THOC5: variants seen among roughly 807,000 people sequenced by gnomAD.
The protein encoded by THOC5 is THO complex subunit 5.
THOC5 carries 43 observed loss-of-function variants against 92.9 expected under a neutral mutation model. The observed-to-expected ratio is 0.46, with a 90% CI of 0.36 to 0.60. The LOEUF is 0.60. Among genes scored for constraint, THOC5 ranks in the 20% least tolerant of loss-of-function variants. The pLI is 0.00. For missense variants in THOC5, 659 were observed against 849.4 expected, an observed-to-expected ratio of 0.78 and a Z score of 2.79; for synonymous variants, 296 against 320.1, an observed-to-expected ratio of 0.92 and a Z score of 0.80.
chr22:29,525,906 G>A lies in THOC5; in HGVS notation c.1107C>T (p.Asn369=). ...VLHLTFYYLM[N]LNIMTVKAKV... is the part of the protein sequence containing the mutation. ...TGGCTTTTACTGTCATGATGTTGAGGTTCATGAGGTAGTAGAAAGTCAGGT... is the reference window on the plus strand; with the variant it reads ...TGGCTTTTACTGTCATGATGTTGAGATTCATGAGGTAGTAGAAAGTCAGGT... The change falls in exon 12 of 20, where the codon AAC becomes AAT. Residue 369 remains asparagine, a synonymous_variant. Transcript: ENST00000490103. The A allele has an allele frequency of 2.5e-6, 4 of 1,614,012 alleles. No individual in the cohort carries two copies. The highest frequency in any genetic ancestry group is 3.4e-6 in the Non-Finnish European group (4 of 1,179,928).
At position 29,512,020 on chromosome 22, in the gene THOC5, C is replaced by A. The variant is rs759663987; in HGVS notation, c.1797+1G>T. 2 of 1,613,602 alleles carry A rather than the reference C, an allele frequency of 1.2e-6. No homozygotes were observed. Among genetic ancestry groups the A allele is most frequent in the African/African-American group, 1.3e-5 (1 of 75,036 alleles). The stretch of plus-strand genomic sequence containing the variant: ...TCCTGTCATCCCCAGCTGGGTCTTA[C>A]CCGAATGTTGTCATCGTTGCTGTTG... On this transcript the variant is annotated splice_donor_variant, in intron 18 of 19. Transcript: ENST00000490103. LOFTEE classifies it high-confidence loss of function.
chr22:29,539,954 C>T (rs1330511192), intron 5 of THOC5, among the ~76,000 whole-genome samples: 2 of 152,264 alleles, frequency 1.3e-5, no homozygotes, highest in African/African-American at 2.4e-5. Flanking sequence ...AGGCTTAAAC[C>T]GTTGCATGCA....
Position 29,544,508 on chromosome 22 carries a change from C to T in THOC5, c.192G>A (p.Arg64=). ...LYKYTCQELQ[R]LMAEIQDLKS... is the part of the protein sequence containing the mutation. ...TCAGGTCTTGGATCTCAGCCATCAG[C>T]CTCTGTAGCTCCTGGCAGGTGTACT... The change falls in exon 3 of 20, where the codon AGG becomes AGA. Residue 64 remains arginine (R), a synonymous_variant. Transcript: ENST00000490103. 1.2e-6 allele frequency: 2 copies of T among 1,614,082 alleles called. No individual in the cohort carries two copies. The highest frequency in any genetic ancestry group is 1.7e-6 in the Non-Finnish European group (2 of 1,180,004).
intron 8 of THOC5, among the ~76,000 whole-genome samples, chr22:29,530,396 G>A (rs1247241745): frequency 6.6e-6 from 1 of 151,554 alleles, no homozygotes; most frequent in Non-Finnish European, 1.5e-5. Flanking sequence ...GTGGGTGCCT[G>A]TAATCCCAGC....
chr22:29,520,012 G>GGAAGCT lies in THOC5; in HGVS notation c.1369_1370insAGCTTC (p.Gln456_Pro457insGlnLeu). 6.2e-7 allele frequency: 1 copy of GGAAGCT among 1,613,410 alleles called. No homozygotes were observed. Among genetic ancestry groups the GGAAGCT allele is most frequent in the Non-Finnish European group, 8.5e-7 (1 of 1,179,780 alleles). On this transcript the variant is annotated inframe_insertion, in exon 14 of 20. Coordinates refer to ENST00000490103, the MANE Select transcript of THOC5 (RefSeq NM_003678.5). ...AGATGAGATCAGTGTACAGACCTGG[G>GGAAGCT]GCTGCTCTTTGGGGAAGTGGAGGCC...
intron 2 of THOC5, among the ~76,000 whole-genome samples, chr22:29,546,895 C>T (rs896847482): frequency 1.3e-5 from 2 of 151,000 alleles, no homozygotes; most frequent in Non-Finnish European, 2.9e-5. Context: ...GGCTGGAGTG[C>T]AATGGCGCAA....
intron 5 of THOC5, among the ~76,000 whole-genome samples, chr22:29,541,584 G>A (rs1163565890): frequency 5.3e-5 from 8 of 150,610 alleles, no homozygotes; most frequent in African/African-American, 1.5e-4. Context: ...CGGACCCACC[G>A]GGTGTGGTGG....
At chr22:29,543,390 G>T in intron 4 of THOC5, 39 bp downstream of exon 4, 1 of 1,335,000 alleles carries the variant, frequency 7.5e-7, no homozygotes, top group Non-Finnish European at 1.1e-6. Context: ...ATGGGGAGGA[G>T]GAAGGAGGAA....
At chr22:29,535,961 C>T (rs1385106747) in intron 7 of THOC5, 1 of 152,172 alleles carries the variant, frequency 6.6e-6, no homozygotes, top group Non-Finnish European at 1.5e-5. Context: ...AGGCATGAGG[C>T]ACCACAAGCA....
At chr22:29,539,925 T>C (rs1401199236) in intron 5 of THOC5, among the ~76,000 whole-genome samples, 1 of 152,144 alleles carries the variant, frequency 6.6e-6, no homozygotes, top group Non-Finnish European at 1.5e-5. Flanking sequence ...ATGGGAGAAC[T>C]GGATGGAAAA....
chr22:29,526,791 A>G (rs2063553489), intron 11 of THOC5, among the ~76,000 whole-genome samples: 2 of 152,100 alleles, frequency 1.3e-5, no homozygotes, highest in African/African-American at 2.4e-5. Context: ...CATCTATGCT[A>G]TTCTCTCCCC....
intron 17 of THOC5, chr22:29,513,768 CAGA>C: frequency 6.6e-6 from 1 of 152,194 alleles, no homozygotes; most frequent in Admixed American, 6.5e-5. Flanking sequence ...CAGGCTGAGG[CAGA>C]AGGATGGTTT....
At chr22:29,538,297 A>T (rs1301883678) in intron 6 of THOC5, among the ~76,000 whole-genome samples, 2 of 152,134 alleles carry the variant, frequency 1.3e-5, no homozygotes, top group Non-Finnish European at 2.9e-5. Context: ...ATTATTTATG[A>T]CAGCAAAAAA....
intron 5 of THOC5, among the ~76,000 whole-genome samples, chr22:29,540,832 C>G (rs2063865842): frequency 1.3e-5 from 2 of 152,156 alleles, no homozygotes; most frequent in Admixed American, 6.6e-5. Flanking sequence ...ATTATTAACT[C>G]AAGTACAGAC....
chr22:29,528,346 A>G (rs2063584987), intron 10 of THOC5, 80 bp downstream of exon 10: 1 of 1,613,982 alleles, frequency 6.2e-7, no homozygotes, highest in East Asian at 2.2e-5. Context: ...TTCTGCTTCT[A>G]GGGAGGACGG....
At chr22:29,546,465 T>C (rs1277714632) in intron 2 of THOC5, among the ~76,000 whole-genome samples, 1 of 152,200 alleles carries the variant, frequency 6.6e-6, no homozygotes, top group Admixed American at 6.5e-5. Flanking sequence ...GTCTCGGTCT[T>C]GTCGCCCAGG....
At chr22:29,547,342 C>T (rs545844611) in intron 2 of THOC5, among the ~76,000 whole-genome samples, 1 of 152,164 alleles carries the variant, frequency 6.6e-6, no homozygotes. Context: ...CAGGCTGGAC[C>T]TTATTGTTCA....
At chr22:29,550,963 C>T (rs1206064839) in intron 1 of THOC5, 1 of 152,066 alleles carries the variant, frequency 6.6e-6, no homozygotes, top group Non-Finnish European at 1.5e-5. Flanking sequence ...TCCTTTGTAA[C>T]AAAAGAACTC....
rs1393406829 is a variant in THOC5, at chr22:29,549,118, C to T, written c.30G>A (p.Lys10=). 1.9e-6 allele frequency: 3 copies of T among 1,614,004 alleles called. No individual in the cohort carries two copies. Among genetic ancestry groups the T allele is most frequent in the East Asian group, 4.5e-5 (2 of 44,892 alleles). The change falls in exon 2 of 20, where the codon AAG becomes AAA. Residue 10 remains lysine (K), a synonymous_variant. Coordinates refer to ENST00000490103, the MANE Select transcript of THOC5 (RefSeq NM_003678.5). MSSESSKKR[K]PKVIRSDGAP... is the part of the protein sequence containing the mutation. Reference sequence around the variant, plus strand: ...CTCCATCGCTTCGGATCACTTTGGGCTTCCGTTTTTTGCTCGATTCTGATG... The same window carrying T: ...CTCCATCGCTTCGGATCACTTTGGGTTTCCGTTTTTTGCTCGATTCTGATG...
Sources: gnomAD v4.1 joint callset for allele counts (sites outside exome capture counted in the v4.1 genomes callset) on GRCh38, gnomAD v4.1.1 for gene constraint, MANE v1.5 for transcripts, NCBI Gene and HGNC (gene_info 2026-07-23, HGNC 2026-07-21) for gene names.